The following MAMDC2 variants were observed in gnomAD, a reference collection of about 807,000 sequenced individuals.
MAMDC2 encodes the protein MAM domain containing 2.
Under a neutral mutation model 89.8 loss-of-function variants are expected in MAMDC2, and 57 were observed. The observed-to-expected ratio is 0.63, with a 90% CI of 0.51 to 0.79. MAMDC2 has a LOEUF of 0.79. Ranked by LOEUF, MAMDC2 falls within the 30% of genes least tolerant of loss-of-function variation. The pLI is 0.00. For synonymous variants in MAMDC2, 313 were observed against 293.4 expected, an observed-to-expected ratio of 1.07 and a Z score of -0.68; for missense variants, 800 against 820.6, an observed-to-expected ratio of 0.97 and a Z score of 0.31.
intron 2 of MAMDC2, chr9:70,085,695 AC>A (rs1827754596): frequency 6.6e-6 from 1 of 152,066 alleles, no homozygotes; most frequent in Non-Finnish European, 1.5e-5. Context: ...GTCTGACTTA[AC>A]TATTGCCCTC....
At chr9:70,202,400 T>A (rs1436009162) in intron 11 of MAMDC2, among the ~76,000 whole-genome samples, 1 of 152,136 alleles carries the variant, frequency 6.6e-6, no homozygotes, top group Non-Finnish European at 1.5e-5. Context: ...CTAGTTTGAT[T>A]GCACTGTGGT....
intron 11 of MAMDC2, among the ~76,000 whole-genome samples, chr9:70,192,906 T>G (rs2032910385): frequency 6.6e-6 from 1 of 152,106 alleles, no homozygotes; most frequent in South Asian, 2.1e-4. Flanking sequence ...AGGGAGGTTC[T>G]GGCTAAACCA....
chr9:70,055,037 G>A (rs542499692), intron 2 of MAMDC2, among the ~76,000 whole-genome samples: 12 of 152,230 alleles, frequency 7.9e-5, no homozygotes, highest in African/African-American at 2.4e-4. Flanking sequence ...GAGACTTAGC[G>A]AGACCCTGTC....
intron 6 of MAMDC2, among the ~76,000 whole-genome samples, chr9:70,128,242 A>C (rs926476516): frequency 2.0e-5 from 3 of 152,246 alleles, no homozygotes; most frequent in African/African-American, 4.8e-5. Context: ...TGATTAGCAC[A>C]TGCTGATCAG....
chr9:70,131,544 G>A lies in MAMDC2; in HGVS notation c.926G>A (p.Gly309Asp), dbSNP rs770760612. The A allele has an allele frequency of 6.2e-7, 1 of 1,606,526 alleles. No homozygotes were observed. Among genetic ancestry groups the A allele is most frequent in the East Asian group, 2.2e-5 (1 of 44,626 alleles). The stretch of plus-strand genomic sequence containing the variant: ...GTTATTTTTGAAGTTGCTTTCAATG[G>A]TCCCAAGGGAGGTTATGTTGCCCTG... The part of the protein sequence containing the change: ...MEVIFEVAFN[G>D]PKGGYVALDD... Residue 309 changes from glycine to aspartate, a missense_variant, in exon 7 of 14, where the codon GGT becomes GAT. Gly to Asp is a moderately conservative substitution (Grantham distance 94). Transcript: ENST00000377182.
intron 5 of MAMDC2, among the ~76,000 whole-genome samples, chr9:70,116,307 G>A (rs1315191224): frequency 6.6e-6 from 1 of 152,192 alleles, no homozygotes; most frequent in Non-Finnish European, 1.5e-5. Flanking sequence ...TGTGTTACCT[G>A]AGTGCAATTC....
chr9:70,163,620 T>C (rs2032061096), intron 9 of MAMDC2, among the ~76,000 whole-genome samples: 2 of 151,844 alleles, frequency 1.3e-5, no homozygotes, highest in African/African-American at 4.8e-5. Flanking sequence ...TTGTTCTGAG[T>C]GGAGAGAATA....
intron 11 of MAMDC2, among the ~76,000 whole-genome samples, chr9:70,204,293 A>G (rs910962912): frequency 2.0e-5 from 3 of 151,562 alleles, no homozygotes; most frequent in African/African-American, 7.2e-5. Flanking sequence ...CCTCAGCTGC[A>G]GGTCTGTTGG....
In MAMDC2 at chr9:70,050,882, A is replaced by G. The variant is rs557555134; in HGVS notation, c.148+6185A>G. ...GTGGCTGAACAAGGTGTGGATATAA[A>G]GTAATAACACTGAGTTTCATACTTA... On this transcript the variant is annotated intron_variant, in intron 2 of 13. Transcript: ENST00000377182. Among the ~76,000 whole-genome samples, 3 of 152,342 alleles carry G rather than the reference A, an allele frequency of 2.0e-5. No homozygotes were observed. The East Asian group carries it at 5.8e-4, about 29-fold the overall frequency.
chr9:70,182,941 AG>A (rs1446742809), intron 11 of MAMDC2, among the ~76,000 whole-genome samples: 1 of 152,082 alleles, frequency 6.6e-6, no homozygotes, highest in Non-Finnish European at 1.5e-5. Flanking sequence ...TTGTGATGTT[AG>A]GGTGTCGATT....
chr9:70,216,055 A>G (rs1162653808), intron 11 of MAMDC2, among the ~76,000 whole-genome samples: 2 of 152,240 alleles, frequency 1.3e-5, no homozygotes, highest in Admixed American at 6.5e-5. Context: ...ATTAAACTTC[A>G]AACTATAAAG....
chr9:70,065,338 AAG>A (rs1413521471), intron 2 of MAMDC2, among the ~76,000 whole-genome samples: 2 of 152,180 alleles, frequency 1.3e-5, no homozygotes, highest in Admixed American at 1.3e-4. Context: ...ATTCCAGCTT[AAG>A]AATCCCTCTT....
At chr9:70,217,507 C>G (rs146225661) in intron 11 of MAMDC2, 1 of 1,523,690 alleles carries the variant, frequency 6.6e-7, no homozygotes, top group Non-Finnish European at 9.1e-7. Flanking sequence ...AAAGGCTCAA[C>G]GAGAACAAGC....
intron 2 of MAMDC2, chr9:70,090,706 G>A (rs896917841): frequency 2.6e-5 from 4 of 152,150 alleles, no homozygotes; most frequent in Non-Finnish European, 2.9e-5. Flanking sequence ...TTTAGCCAAA[G>A]TATAAATGGC....
chr9:70,134,128 C>T (rs1016154391), intron 7 of MAMDC2, among the ~76,000 whole-genome samples: 11 of 152,150 alleles, frequency 7.2e-5, no homozygotes, highest in Non-Finnish European at 1.2e-4. Flanking sequence ...TTTCTTCCCT[C>T]ATCTCCCTAA....
intron 11 of MAMDC2, among the ~76,000 whole-genome samples, chr9:70,183,637 G>A (rs2032689736): frequency 6.6e-6 from 1 of 152,088 alleles, no homozygotes; most frequent in Admixed American, 6.5e-5. Context: ...TTGGTTTAAA[G>A]TCTGTTTTAT....
intron 7 of MAMDC2, among the ~76,000 whole-genome samples, chr9:70,137,663 C>T (rs982380589): frequency 3.3e-5 from 5 of 152,132 alleles, no homozygotes; most frequent in South Asian, 2.1e-4. Context: ...GCTGTTTCAT[C>T]GGCTCACTGC....
In MAMDC2 at chr9:70,130,624, T is replaced by C. The variant is rs191471466; in HGVS notation, c.901-895T>C. 1.9e-3 allele frequency among the ~76,000 whole-genome samples: 295 copies of C among 152,288 alleles called. 1 individual carries two copies. The highest frequency in any genetic ancestry group is 6.7e-3 in the African/African-American group (280 of 41,556). ...GTTGAAGTCATTGGCCCATGTTCTTTCTAACCATTGGAACATACCTGGACA... is the reference window on the plus strand; with the variant it reads ...GTTGAAGTCATTGGCCCATGTTCTTCCTAACCATTGGAACATACCTGGACA... On this transcript the variant is annotated intron_variant, in intron 6 of 13. Transcript: ENST00000377182.
rs141720470 is a variant in MAMDC2 at position 70,170,522 on chromosome 9, T to C, written c.1542T>C (p.Asp514=). 9.5e-5 allele frequency: 154 copies of C among 1,612,788 alleles called. No individual in the cohort carries two copies. In the African/African-American group the frequency reaches 1.6e-3, roughly 17 times the overall value. ...PPPGECTFEQ[D]ECTFTQEKRN... ...CTGGAGAGTGTACTTTCGAGCAAGA[T>C]GAATGTACATTTACTCAGGAGAAAA... is the stretch of plus-strand genomic sequence containing the variant. Residue 514 remains aspartate, a synonymous_variant, in exon 11 of 14, where the codon GAT becomes GAC. Transcript: ENST00000377182.
Sources: gnomAD v4.1 joint callset for allele counts (sites outside exome capture counted in the v4.1 genomes callset) on GRCh38, gnomAD v4.1.1 for gene constraint, MANE v1.5 for transcripts, NCBI Gene and HGNC (gene_info 2026-07-23, HGNC 2026-07-21) for gene names.